The following HAT1 variants were observed in gnomAD, a reference collection of about 807,000 sequenced individuals.
The protein encoded by HAT1 is histone acetyltransferase type B catalytic subunit.
HAT1 carries 20 observed loss-of-function variants against 56.6 expected under a neutral mutation model. That is an observed-to-expected ratio of 0.35 (90% CI 0.25 to 0.51). The LOEUF (loss-of-function observed/expected upper bound fraction) is 0.51, where lower values mean the gene tolerates loss of function less well. Among genes scored for constraint, HAT1 ranks in the 20% least tolerant of loss-of-function variants. The pLI is 0.95. For missense variants in HAT1, 408 were observed against 504.3 expected (o/e 0.81, Z 1.83); for synonymous variants, 146 against 165.5 (o/e 0.88, Z 0.91).
intron 2 of HAT1, among the ~76,000 whole-genome samples, chr2:171,938,072 CTCTT>C (rs1273286760): frequency 7.7e-4 from 102 of 133,260 alleles, no homozygotes; most frequent in Middle Eastern, 4.1e-3. Context: ...CTCTCTCTCT[CTCTT>C]TAAATGAACT....
At chr2:171,980,375 TTAA>T (rs1688102646) in intron 10 of HAT1, 1 of 152,196 alleles carries the variant, frequency 6.6e-6, no homozygotes, top group South Asian at 2.1e-4. Context: ...TTGCTATTTA[TTAA>T]TATAATCTTT....
chr2:171,935,418 G>A (rs915622597), intron 2 of HAT1, among the ~76,000 whole-genome samples: 2 of 148,694 alleles, frequency 1.3e-5, no homozygotes, highest in Non-Finnish European at 3.0e-5. Context: ...GGGAGACTGA[G>A]GCAAGAGAAT....
chr2:171,974,200 AG>A (rs1558979678), intron 8 of HAT1, among the ~76,000 whole-genome samples: 2,084 of 84,232 alleles, frequency 0.025, 72 homozygotes, highest in South Asian at 0.051. Flanking sequence ...AAAGAAAAAA[AG>A]AAAAAGAAAA....
chr2:171,952,976 T>C lies in HAT1; in HGVS notation c.284T>C (p.Val95Ala), dbSNP rs763579464. The C allele has an allele frequency of 6.3e-7, 1 of 1,591,952 alleles. No individual in the cohort carries two copies. Among genetic ancestry groups the C allele is most frequent in the Non-Finnish European group, 8.6e-7 (1 of 1,161,432 alleles). The change falls in exon 4 of 11, where the codon GTT becomes GCT. Residue 95 changes from valine (V) to alanine (A), a missense_variant. Val to Ala is a moderately conservative substitution (Grantham distance 64). Coordinates refer to ENST00000264108, the MANE Select transcript of HAT1 (RefSeq NM_003642.4). Reference protein sequence around the residue: ...TMFRVEYASKVDENFDCVEAD... With the variant: ...TMFRVEYASKADENFDCVEAD... ...TTCCGTGTTGAATATGCATCTAAAG[T>C]TGATGAGAACTTTGACTGTGTAGAG...
At chr2:171,971,920 T>C (rs780916450) in intron 8 of HAT1, among the ~76,000 whole-genome samples, 54 of 152,180 alleles carry the variant, frequency 3.5e-4, no homozygotes, top group Non-Finnish European at 1.0e-4. Flanking sequence ...GTGGACTGGC[T>C]GGGCTTGGGC....
At chr2:171,926,847 C>T (rs1407111637) in intron 2 of HAT1, among the ~76,000 whole-genome samples, 1 of 152,188 alleles carries the variant, frequency 6.6e-6, no homozygotes, top group African/African-American at 2.4e-5. Context: ...AAAACTTGTA[C>T]ATGAATGTTC....
At chr2:171,979,539 G>T (rs1688080654) in intron 10 of HAT1, 176 bp downstream of exon 10, 4 of 497,560 alleles carry the variant, frequency 8.0e-6, no homozygotes, top group Admixed American at 3.4e-5. Flanking sequence ...CGGGCGTGGT[G>T]GCCCACACCT....
In HAT1 at chr2:171,963,500, G is replaced by A. The variant is rs1414371114; in HGVS notation, c.310-1838G>A. Reference sequence around the variant, plus strand: ...CAAGATATGTAAAGTGATTTGCAATGCCTTCTTGAGAAGACAGGACATAAG... The same window carrying A: ...CAAGATATGTAAAGTGATTTGCAATACCTTCTTGAGAAGACAGGACATAAG... On this transcript the variant is annotated intron_variant, in intron 4 of 10. Coordinates refer to ENST00000264108, the MANE Select transcript of HAT1 (RefSeq NM_003642.4). Among the ~76,000 whole-genome samples, 3 of 152,108 alleles carry A rather than the reference G, an allele frequency of 2.0e-5. No homozygotes were observed. In the East Asian group the frequency reaches 5.8e-4, roughly 29 times the overall value.
chr2:171,980,231 G>A (rs1161726200), intron 10 of HAT1: 2 of 151,912 alleles, frequency 1.3e-5, no homozygotes, highest in African/African-American at 2.4e-5. Flanking sequence ...AAATTATGTT[G>A]TTTTTCCCAA....
At chr2:171,950,663 C>T (rs1687285784) in intron 3 of HAT1, among the ~76,000 whole-genome samples, 2 of 151,750 alleles carry the variant, frequency 1.3e-5, no homozygotes, top group Admixed American at 6.6e-5. Flanking sequence ...GCTATCCCAC[C>T]CAGCTAATTT....
chr2:171,972,636 G>A lies in HAT1; in HGVS notation c.824-3521G>A, dbSNP rs1242248736. On this transcript the variant is annotated intron_variant, in intron 8 of 10. Coordinates refer to ENST00000264108, the MANE Select transcript of HAT1 (RefSeq NM_003642.4). ...CAGCAAGCTGTGGGGTCTCCTAGCT[G>A]TAAAGGGCTGCTGCAGTGGCGACAG... is the stretch of plus-strand genomic sequence containing the variant. 3.3e-5 allele frequency among the ~76,000 whole-genome samples: 5 copies of A among 152,326 alleles called. No homozygotes were observed. The East Asian group carries it at 9.7e-4, about 29-fold the overall frequency.
chr2:171,976,395 T>A, intron 9 of HAT1, 87 bp downstream of exon 9: 1 of 664,122 alleles, frequency 1.5e-6, no homozygotes, highest in Non-Finnish European at 2.3e-6. Flanking sequence ...TATAAAGACA[T>A]TAAGAATACA....
rs112095219 is a variant in HAT1, at chr2:171,938,138, T to G, written c.113-8570T>G. Reference sequence around the variant, plus strand: ...CAGGCATGGTGGCTCACACTTATAATCCCAGCACTTTGGGAGGCCAAGGTA... The same window carrying G: ...CAGGCATGGTGGCTCACACTTATAAGCCCAGCACTTTGGGAGGCCAAGGTA... On this transcript the variant is annotated intron_variant, in intron 2 of 10. Coordinates refer to ENST00000264108, the MANE Select transcript of HAT1 (RefSeq NM_003642.4). Among the ~76,000 whole-genome samples the G allele has an allele frequency of 3.7e-4, 55 of 149,952 alleles. 3 individuals are homozygous for G. The highest frequency in any genetic ancestry group is 1.3e-3 in the African/African-American group (55 of 40,806).
At chr2:171,942,920 A>G (rs895981556) in intron 2 of HAT1, among the ~76,000 whole-genome samples, 3 of 152,142 alleles carry the variant, frequency 2.0e-5, no homozygotes, top group Non-Finnish European at 4.4e-5. Context: ...TCTTTTCTCT[A>G]TGTCTTTTTA....
At chr2:171,955,608 T>C (rs1184320322) in intron 4 of HAT1, among the ~76,000 whole-genome samples, 1 of 150,328 alleles carries the variant, frequency 6.7e-6, no homozygotes, top group Non-Finnish European at 1.5e-5. Context: ...AAAGCAAAAC[T>C]CCATCTCAAA....
Position 171,922,520 on chromosome 2 carries a change from GAA to G in HAT1, c.7+16_7+17del. ...TCGGAAATGGCGGGTAAGTTACCGG[GAA>G]AAGTTTACCAAGGGGAGGAGGCGGC... On this transcript the variant is annotated intron_variant, in intron 1 of 10. Transcript: ENST00000264108. 7.6e-7 allele frequency: 1 copy of G among 1,318,466 alleles called. No homozygotes were observed. The highest frequency in any genetic ancestry group is 9.8e-7 in the Non-Finnish European group (1 of 1,024,114). The allele number at this position is 1,318,466 out of a possible 1,614,324, so 81.7% of individuals were successfully genotyped here. A position where few individuals can be genotyped will look rare whatever the true frequency, so the allele number is the denominator to read the frequency against.
chr2:171,934,395 A>G (rs894364936), intron 2 of HAT1, among the ~76,000 whole-genome samples: 1 of 152,220 alleles, frequency 6.6e-6, no homozygotes, highest in Non-Finnish European at 1.5e-5. Flanking sequence ...AGATAGGAGC[A>G]TGGAGAATTT....
At chr2:171,940,641 T>G (rs1269081211) in intron 2 of HAT1, among the ~76,000 whole-genome samples, 1 of 152,174 alleles carries the variant, frequency 6.6e-6, no homozygotes, top group East Asian at 1.9e-4. Context: ...TGTTCATGTT[T>G]TTTTCTTTTG....
chr2:171,945,695 G>A (rs1687145771), intron 2 of HAT1, among the ~76,000 whole-genome samples: 1 of 147,688 alleles, frequency 6.8e-6, no homozygotes, highest in African/African-American at 2.5e-5. Context: ...TTGAGAGAGA[G>A]TCTCGCTCTC....
Sources: allele counts gnomAD v4.1 joint callset (sites outside exome capture counted in the v4.1 genomes callset), GRCh38; gene constraint gnomAD v4.1.1; transcripts MANE v1.5; gene names NCBI Gene and HGNC (gene_info 2026-07-23, HGNC 2026-07-21).